GLIS3: variants seen among roughly 807,000 people sequenced by gnomAD.
GLIS3 encodes the protein GLIS family zinc finger 3, also known as zinc finger protein GLIS3.
In GLIS3, 53 loss-of-function variants were observed where a neutral mutation model predicts 78.6. The ratio of observed to expected loss-of-function variants is 0.67; its 90% confidence interval spans 0.54 to 0.85. The LOEUF (loss-of-function observed/expected upper bound fraction) is 0.85. Among genes scored for constraint, GLIS3 ranks in the 40% least tolerant of loss-of-function variants. The pLI is 0.00. For synonymous variants in GLIS3, 684 were observed against 509.9 expected, an observed-to-expected ratio of 1.34 and a Z score of -4.60; for missense variants, 1,703 against 1,231.1, an observed-to-expected ratio of 1.38 and a Z score of -5.74.
chr9:3,912,117 A>C (rs1824195066), intron 6 of GLIS3, among the ~76,000 whole-genome samples: 1 of 152,180 alleles, frequency 6.6e-6, no homozygotes, highest in Non-Finnish European at 1.5e-5. Context: ...ATGGAGTGAT[A>C]ACATTAACTC....
chr9:4,432,014 C>G, the GLIS3 span, among the ~76,000 whole-genome samples: 1 of 152,120 alleles, frequency 6.6e-6, no homozygotes, highest in African/African-American at 2.4e-5. Flanking sequence ...CAAAATCAGG[C>G]AGCAGGACCG....
the GLIS3 span, among the ~76,000 whole-genome samples, chr9:4,447,902 C>A: frequency 6.6e-6 from 1 of 152,198 alleles, no homozygotes; most frequent in African/African-American, 2.4e-5. Flanking sequence ...TGTTTCTGTC[C>A]TTTTTAAATT....
At position 3,977,027 on chromosome 9, in the gene GLIS3, T is replaced by G. The variant is rs148926878; in HGVS notation, c.1711-39838A>C. ...AGTTAAAAAAAAATTAGCTAAAATT[T>G]CAGATAACGCAGCCTTCTGTCATGT... On this transcript the variant is annotated intron_variant, in intron 4 of 10. Transcript: ENST00000381971. This position sits in a 1 kb window ranked among gnomAD's most constrained non-coding sequence, Gnocchi z 4.1. 6.6e-6 allele frequency among the ~76,000 whole-genome samples: 1 copy of G among 152,152 alleles called. No homozygotes were observed. The highest frequency in any genetic ancestry group is 1.5e-5 in the Non-Finnish European group (1 of 67,992).
chr9:4,360,915 A>G, the GLIS3 span, among the ~76,000 whole-genome samples: 3 of 152,184 alleles, frequency 2.0e-5, no homozygotes, highest in African/African-American at 4.8e-5. Context: ...AAACAGAGGA[A>G]TATCTGATGG....
chr9:3,852,140 G>A (rs1301232548), intron 9 of GLIS3, among the ~76,000 whole-genome samples: 2 of 148,786 alleles, frequency 1.3e-5, no homozygotes, highest in African/African-American at 2.5e-5. Context: ...GTGAGACTAC[G>A]TTCCAAAAGA....
intron 6 of GLIS3, among the ~76,000 whole-genome samples, chr9:3,930,696 TG>T (rs1310555217): frequency 2.0e-5 from 3 of 152,228 alleles, no homozygotes; most frequent in Non-Finnish European, 4.4e-5. Context: ...TTCATGTCCA[TG>T]ACAACTGTTA....
At chr9:4,193,271 A>C (rs1818497373) in intron 2 of GLIS3, among the ~76,000 whole-genome samples, 1 of 152,240 alleles carries the variant, frequency 6.6e-6, no homozygotes, top group Non-Finnish European at 1.5e-5. Flanking sequence ...TGGCACATGA[A>C]AATTACATGA....
chr9:4,066,001 C>T (rs1392585937), intron 4 of GLIS3, among the ~76,000 whole-genome samples: 1 of 150,404 alleles, frequency 6.6e-6, no homozygotes, highest in Non-Finnish European at 1.5e-5. Context: ...TATCGCTCTG[C>T]CTCCTTCCAA....
chr9:4,180,697 C>G (rs1817240074), intron 2 of GLIS3, among the ~76,000 whole-genome samples: 1 of 152,146 alleles, frequency 6.6e-6, no homozygotes, highest in African/African-American at 2.4e-5. Context: ...AAGCCAAACC[C>G]CCAATTCTTG....
At chr9:4,058,435 T>C (rs1563996353) in intron 4 of GLIS3, among the ~76,000 whole-genome samples, 1 of 146,242 alleles carries the variant, frequency 6.8e-6, no homozygotes, top group Non-Finnish European at 1.5e-5. Context: ...GAGACATATT[T>C]CCTTTCCCCT....
intron 2 of GLIS3, among the ~76,000 whole-genome samples, chr9:4,175,323 C>G (rs1038842262): frequency 2.6e-5 from 4 of 152,114 alleles, no homozygotes; most frequent in African/African-American, 9.7e-5. Context: ...AGAAGGGAGA[C>G]TGAGAGCTTT....
chr9:4,418,733 A>T, the GLIS3 span, among the ~76,000 whole-genome samples: 3 of 152,178 alleles, frequency 2.0e-5, no homozygotes, highest in African/African-American at 7.2e-5. Context: ...TTGGAGAAAG[A>T]TGTTGATTCC....
At chr9:4,417,005 C>T in the GLIS3 span, among the ~76,000 whole-genome samples, 1 of 151,952 alleles carries the variant, frequency 6.6e-6, no homozygotes, top group Non-Finnish European at 1.5e-5. Context: ...TATCTCTGTT[C>T]CGTTCTTTGT....
chr9:4,261,207 G>A (rs912600908), intron 2 of GLIS3, among the ~76,000 whole-genome samples: 6 of 152,134 alleles, frequency 3.9e-5, no homozygotes, highest in African/African-American at 1.4e-4. Context: ...GTTCAACACG[G>A]AAAATATTGC....
At chr9:4,097,064 T>C (rs1341161738) in intron 4 of GLIS3, among the ~76,000 whole-genome samples, 2 of 151,956 alleles carry the variant, frequency 1.3e-5, no homozygotes, top group Admixed American at 6.6e-5. Flanking sequence ...AAGGGTGAGA[T>C]ACGCTGGAAG....
chr9:3,892,169 G>C (rs764496838), intron 7 of GLIS3, among the ~76,000 whole-genome samples: 7 of 152,102 alleles, frequency 4.6e-5, no homozygotes, highest in African/African-American at 7.2e-5. Flanking sequence ...GAGCAGCTAA[G>C]TTCACTAGAG....
intron 4 of GLIS3, among the ~76,000 whole-genome samples, chr9:4,084,007 A>G (rs1828778861): frequency 1.3e-5 from 2 of 152,134 alleles, no homozygotes; most frequent in Non-Finnish European, 2.9e-5. Context: ...TCTCTCCAGG[A>G]GTTCAGATGG....
At chr9:4,131,625 ATCATTG>A in intron 2 of GLIS3, among the ~76,000 whole-genome samples, 1 of 152,188 alleles carries the variant, frequency 6.6e-6, no homozygotes, top group African/African-American at 2.4e-5. Context: ...ACTTTCTGCC[ATCATTG>A]AAAGTTTCCT....
At chr9:4,384,166 G>A in the GLIS3 span, among the ~76,000 whole-genome samples, 109 of 152,286 alleles carry the variant, frequency 7.2e-4, no homozygotes, top group African/African-American at 2.3e-3. Context: ...AGGTGTACAC[G>A]TTTTCCTCCT....
Sources: allele counts gnomAD v4.1 joint callset (sites outside exome capture counted in the v4.1 genomes callset), GRCh38; gene constraint gnomAD v4.1.1; non-coding constraint Gnocchi (gnomAD v3.1); transcripts MANE v1.5; gene names NCBI Gene and HGNC (gene_info 2026-07-23, HGNC 2026-07-21).